Variants in ACAP2 observed in about 807,000 individuals in gnomAD.
ACAP2 encodes arf-GAP with coiled-coil, ANK repeat and PH domain-containing protein 2.
Under a neutral mutation model 115.8 loss-of-function variants are expected in ACAP2, and 39 were observed. The observed-to-expected ratio is 0.34, with a 90% CI of 0.26 to 0.44. The LOEUF is 0.44. ACAP2 is among the 20% of genes least tolerant of loss of function. ACAP2 has a pLI of 1.00. For synonymous variants in ACAP2, 289 were observed against 315.8 expected (o/e 0.92, Z 0.90); for missense variants, 662 against 927.6 (o/e 0.71, Z 3.72).
At chr3:195,361,151 T>G (rs1732340053) in intron 4 of ACAP2, among the ~76,000 whole-genome samples, 1 of 152,164 alleles carries the variant, frequency 6.6e-6, no homozygotes, top group Non-Finnish European at 1.5e-5. Flanking sequence ...GGAAAGAAAC[T>G]GGGCTGGGCA....
intron 10 of ACAP2, among the ~76,000 whole-genome samples, chr3:195,320,393 C>A (rs1034037857): frequency 1.3e-5 from 2 of 152,144 alleles, no homozygotes; most frequent in African/African-American, 4.8e-5. Context: ...GGAGGTAGAC[C>A]ATATTCAAAA....
intron 4 of ACAP2, among the ~76,000 whole-genome samples, chr3:195,358,005 C>T (rs1732100469): frequency 1.3e-5 from 2 of 152,140 alleles, no homozygotes; most frequent in Admixed American, 1.3e-4. Context: ...GAAACCACTC[C>T]CATGATCCAT....
At chr3:195,427,153 G>A (rs1447887626) in intron 1 of ACAP2, among the ~76,000 whole-genome samples, 2 of 152,124 alleles carry the variant, frequency 1.3e-5, no homozygotes, top group Admixed American at 6.5e-5. Flanking sequence ...GATGGAAAGG[G>A]GCCATGAGCC....
At chr3:195,395,357 G>C (rs944715889) in intron 1 of ACAP2, among the ~76,000 whole-genome samples, 1 of 152,162 alleles carries the variant, frequency 6.6e-6, no homozygotes, top group African/African-American at 2.4e-5. Flanking sequence ...TAGATGTTAA[G>C]AGAAAGGGAA....
intron 4 of ACAP2, among the ~76,000 whole-genome samples, chr3:195,379,389 G>A (rs1304231130): frequency 1.3e-5 from 2 of 152,154 alleles, no homozygotes; most frequent in Non-Finnish European, 2.9e-5. Flanking sequence ...CCTACAAAAT[G>A]AGAGAAAATA....
chr3:195,386,540 GAACAGAA>G (rs1389483715), intron 2 of ACAP2, among the ~76,000 whole-genome samples: 2 of 152,100 alleles, frequency 1.3e-5, no homozygotes, highest in Non-Finnish European at 2.9e-5. Context: ...ACTAACACAG[GAACAGAA>G]AACCAAACAC....
chr3:195,442,678 T>G, intron 1 of ACAP2, 117 bp downstream of exon 1: 1 of 1,137,460 alleles, frequency 8.8e-7, no homozygotes, highest in Non-Finnish European at 1.2e-6. Context: ...CAACAGCCGC[T>G]CGCCCCGTCG....
At chr3:195,345,747 T>C (rs139355807) in intron 4 of ACAP2, among the ~76,000 whole-genome samples, 242 of 152,300 alleles carry the variant, frequency 1.6e-3, no homozygotes, top group African/African-American at 5.6e-3. Context: ...TAGAGGTTAC[T>C]CATTGGGGAA....
chr3:195,332,966 T>C (rs534767210), intron 8 of ACAP2, 62 bp downstream of exon 8: 9 of 1,304,078 alleles, frequency 6.9e-6, no homozygotes, highest in Middle Eastern at 3.7e-4. Context: ...ATATGCTAAA[T>C]TTCTTTAAAA....
intron 1 of ACAP2, among the ~76,000 whole-genome samples, chr3:195,428,757 CA>C (rs1474111452): frequency 6.6e-6 from 1 of 152,170 alleles, no homozygotes; most frequent in Non-Finnish European, 1.5e-5. Context: ...TATACTCACA[CA>C]ATGGGTAATA....
At chr3:195,403,430 G>A (rs1712484781) in intron 1 of ACAP2, among the ~76,000 whole-genome samples, 1 of 152,222 alleles carries the variant, frequency 6.6e-6, no homozygotes, top group Non-Finnish European at 1.5e-5. Flanking sequence ...GCTACGTGGA[G>A]AAGACTGCAA....
chr3:195,412,666 T>C (rs755987406), intron 1 of ACAP2, among the ~76,000 whole-genome samples: 4 of 152,054 alleles, frequency 2.6e-5, no homozygotes, highest in Non-Finnish European at 5.9e-5. Flanking sequence ...CAGTAGTTAG[T>C]AATAAGGAGA....
intron 4 of ACAP2, among the ~76,000 whole-genome samples, chr3:195,363,750 C>T (rs931343931): frequency 6.6e-6 from 1 of 152,076 alleles, no homozygotes; most frequent in South Asian, 2.1e-4. Flanking sequence ...AGCAGCATGG[C>T]ACTGGCATAG....
intron 22 of ACAP2, 96 bp from the exon 23 acceptor site, chr3:195,279,524 C>A: frequency 8.4e-6 from 6 of 716,260 alleles, no homozygotes; most frequent in Non-Finnish European, 1.0e-5. Context: ...TAATTCATTA[C>A]ATTAAAATTT....
chr3:195,351,441 CGTGTGTGTGTGTGTGTGT>C lies in ACAP2; in HGVS notation c.286-6142_286-6125del, dbSNP rs56049053. Among the ~76,000 whole-genome samples the C allele has an allele frequency of 2.2e-4, 29 of 130,054 alleles. 1 individual carries two copies. The highest frequency in any genetic ancestry group is 4.1e-3 in the Middle Eastern group (1 of 244). 85.3% of individuals were successfully genotyped at this position (130,054 alleles called of 152,430 possible). ...CAATAAATCCATATTTTTTCTTTTT[CGTGTGTGTGTGTGTGTGT>C]GTGTGTGTGTGTGTGTGTGTGTGTG... On this transcript the variant is annotated intron_variant, in intron 4 of 22. Transcript: ENST00000326793.
At position 195,285,789 on chromosome 3, in the gene ACAP2, T is replaced by C. The variant is rs1726806206; in HGVS notation, c.2236+7A>G. The C allele has an allele frequency of 1.2e-6, 2 of 1,608,212 alleles. No individual in the cohort carries two copies. Among genetic ancestry groups the C allele is most frequent in the Non-Finnish European group, 1.7e-6 (2 of 1,176,256 alleles). On this transcript the variant is annotated splice_region_variant and intron_variant, in intron 22 of 22. Coordinates refer to ENST00000326793, the MANE Select transcript of ACAP2 (RefSeq NM_012287.6). The stretch of plus-strand genomic sequence containing the variant: ...CATTTCAGTATGGTTATTAGTAGAA[T>C]ATTGACCTGGCTGTCCATAAAGTCC...
At chr3:195,377,562 T>C (rs143342449) in intron 4 of ACAP2, among the ~76,000 whole-genome samples, 1 of 152,322 alleles carries the variant, frequency 6.6e-6, no homozygotes, top group African/African-American at 2.4e-5. Flanking sequence ...CATCGTCTAA[T>C]TAACGTGAAG....
In ACAP2 at chr3:195,419,342, C is replaced by T. The variant is rs571142064; in HGVS notation, c.53+23453G>A. ...CAACTGGAATTGCAGGACATTTTTC[C>T]GTGCTCTCCAAATACATAGGATTTG... On this transcript the variant is annotated intron_variant, in intron 1 of 22. Coordinates refer to ENST00000326793, the MANE Select transcript of ACAP2 (RefSeq NM_012287.6). The T allele has an allele frequency of 3.3e-5, 5 of 152,296 alleles. No individual in the cohort carries two copies. The East Asian group carries it at 9.6e-4, about 29-fold the overall frequency. 9.4% of individuals were successfully genotyped at this position (152,296 alleles called of 1,614,324 possible).
chr3:195,331,866 G>C (rs1730191157), intron 8 of ACAP2, among the ~76,000 whole-genome samples: 1 of 152,090 alleles, frequency 6.6e-6, no homozygotes, highest in Non-Finnish European at 1.5e-5. Flanking sequence ...CAGGCACAGT[G>C]GCTCACGCCT....
Sources: gnomAD v4.1 joint callset for allele counts (sites outside exome capture counted in the v4.1 genomes callset) on GRCh38, gnomAD v4.1.1 for gene constraint, MANE v1.5 for transcripts, NCBI Gene and HGNC (gene_info 2026-07-23, HGNC 2026-07-21) for gene names.